Variants in DAZAP2 observed in about 807,000 individuals in gnomAD.
The protein encoded by DAZAP2 is DAZ-associated protein 2.
A neutral mutation model predicts 16.2 loss-of-function variants in DAZAP2; 3 were observed. That is an observed-to-expected ratio of 0.19 (90% CI 0.08 to 0.48). The LOEUF is 0.48. DAZAP2 is among the 20% of genes least tolerant of loss of function. DAZAP2 has a pLI of 0.98. For missense variants in DAZAP2, 172 were observed against 215.9 expected (o/e 0.80, Z 1.27); for synonymous variants, 69 against 77.6 (o/e 0.89, Z 0.58).
intron 1 of DAZAP2, 133 bp from the exon 2 acceptor site, chr12:51,240,210 A>G (rs1285340268): frequency 1.5e-5 from 11 of 714,122 alleles, no homozygotes; most frequent in Admixed American, 1.3e-4. Flanking sequence ...AGTTCCAGGA[A>G]TCAGGCCCTC....
chr12:51,240,055 C>T (rs976697147), intron 1 of DAZAP2: 15 of 421,542 alleles, frequency 3.6e-5, no homozygotes, highest in Middle Eastern at 1.4e-3. Flanking sequence ...CCAGACCTGT[C>T]CTGCATTCCG....
intron 1 of DAZAP2, chr12:51,240,081 C>T (rs754206562): frequency 8.6e-6 from 4 of 463,316 alleles, no homozygotes; most frequent in Non-Finnish European, 1.6e-5. Context: ...AACTTGGGCC[C>T]AGGTAGACTT....
Position 51,238,904 on chromosome 12 carries a change from C to G in DAZAP2, c.-4C>G. On this transcript the variant is annotated 5_prime_UTR_variant, in exon 1 of 4. Coordinates refer to ENST00000412716, the MANE Select transcript of DAZAP2 (RefSeq NM_014764.4). Reference sequence around the variant, plus strand: ...CGCCGAGACAAACCGGACCCGCAACCACCATGAACAGCAAAGGCAAGGACC... The same window carrying G: ...CGCCGAGACAAACCGGACCCGCAACGACCATGAACAGCAAAGGCAAGGACC... 1 of 1,613,586 alleles carries G rather than the reference C, an allele frequency of 6.2e-7. No individual in the cohort carries two copies.
downstream of DAZAP2, chr12:51,246,323 A>G: frequency 1.5e-6 from 1 of 654,478 alleles, no homozygotes; most frequent in Non-Finnish European, 2.5e-6. Context: ...TGCTTAAGCT[A>G]AGGACACATG....
In DAZAP2 at chr12:51,243,673, G is replaced by GTA; in HGVS notation, c.*1216_*1217insAT. 1 of 985,750 alleles carries GTA rather than the reference G, an allele frequency of 1.0e-6. No homozygotes were observed. Among genetic ancestry groups the GTA allele is most frequent in the Non-Finnish European group, 1.2e-6 (1 of 829,884 alleles). 61.1% of individuals were successfully genotyped at this position (985,750 alleles called of 1,614,324 possible). ...CCATTGACTGTTATGGAAGTTCAGCGTTGTATGTCTCTCTCTACACTGTGG... is the reference window on the plus strand; with the variant it reads ...CCATTGACTGTTATGGAAGTTCAGCGTATTGTATGTCTCTCTCTACACTGTGG... On this transcript the variant is annotated 3_prime_UTR_variant, in exon 4 of 4. Transcript: ENST00000412716.
chr12:51,246,490 C>T (rs1001838676), downstream of DAZAP2: 13 of 440,364 alleles, frequency 3.0e-5, no homozygotes, highest in Non-Finnish European at 4.4e-5. Flanking sequence ...CATATATCCT[C>T]GTCCCTACCC....
chr12:51,245,765 T>C, downstream of DAZAP2: 3 of 632,580 alleles, frequency 4.7e-6, no homozygotes, highest in Non-Finnish European at 8.1e-6. Context: ...GCTTTCTCCA[T>C]GTCCCTGGTC....
rs1234985252 is a variant in DAZAP2, at chr12:51,242,683, A to G, written c.*225A>G. On this transcript the variant is annotated 3_prime_UTR_variant, in exon 4 of 4. Transcript: ENST00000412716. ...TTTGAGGTAGGGGAGGTATCCATTC[A>G]TAAAATGAATGTGGGTGAAGCCGCC... 10 of 1,509,956 alleles carry G rather than the reference A, an allele frequency of 6.6e-6. No homozygotes were observed. Among genetic ancestry groups the G allele is most frequent in the Non-Finnish European group, 8.9e-6 (10 of 1,128,252 alleles). The allele number at this position is 1,509,956 out of a possible 1,614,324, so 93.5% of individuals were successfully genotyped here.
chr12:51,241,566 C>T (rs981603374), intron 3 of DAZAP2, among the ~76,000 whole-genome samples: 1 of 151,004 alleles, frequency 6.6e-6, no homozygotes, highest in Non-Finnish European at 1.5e-5. Flanking sequence ...ACTTAATTCC[C>T]CAGTGCGTGG....
chr12:51,246,604 CTG>C (rs59561227), downstream of DAZAP2: 12,360 of 336,238 alleles, frequency 0.037, 4 homozygotes, highest in Middle Eastern at 0.052. Context: ...TCTTTTATGG[CTG>C]TGTGTGTGTG....
chr12:51,240,609 G>A lies in DAZAP2; in HGVS notation c.132+148G>A, dbSNP rs539804287. The A allele has an allele frequency of 4.8e-5, 42 of 880,184 alleles. 1 individual carries two copies. Among genetic ancestry groups the A allele is most frequent in the African/African-American group, 3.4e-4 (20 of 59,542 alleles). 54.5% of individuals were successfully genotyped at this position (880,184 alleles called of 1,614,324 possible). Reference sequence around the variant, plus strand: ...ACTATATAATTTGGCAATTTTTGTCGGAGTTGAAAGTGCATTATTTGATGA... The same window carrying A: ...ACTATATAATTTGGCAATTTTTGTCAGAGTTGAAAGTGCATTATTTGATGA... On this transcript the variant is annotated intron_variant, in intron 2 of 3. Coordinates refer to ENST00000412716, the MANE Select transcript of DAZAP2 (RefSeq NM_014764.4).
downstream of DAZAP2, among the ~76,000 whole-genome samples, chr12:51,244,135 A>G (rs530935531): frequency 2.0e-5 from 3 of 152,336 alleles, no homozygotes; most frequent in South Asian, 4.1e-4. Context: ...TAGTTTCTCC[A>G]ATGTTCTATG....
At chr12:51,246,108 C>T (rs538889883), downstream of DAZAP2, 73 of 1,613,600 alleles carry the variant, frequency 4.5e-5, no homozygotes, top group South Asian at 6.2e-4. Flanking sequence ...AGGAAGACAA[C>T]GGTGATAACA....
chr12:51,239,163 T>TGG (rs569722141), intron 1 of DAZAP2: 2 of 525,340 alleles, frequency 3.8e-6, no homozygotes, highest in Non-Finnish European at 3.3e-6. Flanking sequence ...GCTCGGGTGG[T>TGG]GGGGGGGCTT....
intron 3 of DAZAP2, 29 bp downstream of exon 3, chr12:51,241,145 A>G: frequency 1.2e-6 from 2 of 1,607,190 alleles, no homozygotes; most frequent in Admixed American, 1.7e-5. Context: ...GAAGAAACTC[A>G]GCCCTTGTGT....
At chr12:51,244,347 C>T (rs761991723), downstream of DAZAP2, among the ~76,000 whole-genome samples, 2 of 152,192 alleles carry the variant, frequency 1.3e-5, no homozygotes, top group Non-Finnish European at 2.9e-5. Context: ...CAGGCACCTG[C>T]TACAACACCT....
chr12:51,241,246 C>T (rs1199353406), intron 3 of DAZAP2, 130 bp downstream of exon 3: 4 of 1,413,510 alleles, frequency 2.8e-6, no homozygotes, highest in African/African-American at 2.8e-5. Context: ...ACATCCAATA[C>T]TCAGGCAGAA....
intron 1 of DAZAP2, chr12:51,239,237 A>C (rs1208745575): frequency 3.0e-6 from 1 of 335,738 alleles, no homozygotes; most frequent in Non-Finnish European, 5.5e-6. Context: ...AGGCCAATGG[A>C]GAGCCGGCGG....
intron 1 of DAZAP2, 42 bp from the exon 2 acceptor site, chr12:51,240,301 C>T (rs749687320): frequency 3.9e-6 from 6 of 1,526,184 alleles, no homozygotes; most frequent in Non-Finnish European, 5.5e-6. Flanking sequence ...ATTTTGGTAG[C>T]TCTGTGTAGT....
Sources: gnomAD v4.1 joint callset for allele counts (sites outside exome capture counted in the v4.1 genomes callset) on GRCh38, gnomAD v4.1.1 for gene constraint, MANE v1.5 for transcripts, NCBI Gene and HGNC (gene_info 2026-07-23, HGNC 2026-07-21) for gene names.